ZNF589: variants seen among roughly 807,000 people sequenced by gnomAD.
ZNF589 encodes the protein KRAB-zinc finger protein SZF1-1.
Under a neutral mutation model 13.6 loss-of-function variants are expected in ZNF589, and 17 were observed. The ratio of observed to expected loss-of-function variants is 1.25; its 90% CI spans 0.86 to 1.88. The LOEUF is 1.88. Among genes scored for constraint, ZNF589 ranks in the 40% most tolerant of loss-of-function variants. The probability of loss-of-function intolerance (pLI) is 0.00; values close to 1 mark genes in which losing one functional copy is unlikely to be tolerated. For missense variants in ZNF589, 407 were observed against 434.0 expected, an observed-to-expected ratio of 0.94 and a Z score of 0.55; for synonymous variants, 148 against 161.6, an observed-to-expected ratio of 0.92 and a Z score of 0.64.
intron 1 of ZNF589, 105 bp from the exon 2 acceptor site, chr3:48,247,520 T>C: frequency 7.8e-7 from 1 of 1,279,068 alleles, no homozygotes; most frequent in Admixed American, 1.9e-5. Flanking sequence ...CTGGGTCAGC[T>C]GAGAAGGCTC....
intron 1 of ZNF589, among the ~76,000 whole-genome samples, chr3:48,247,123 A>G (rs2106832275): frequency 6.6e-6 from 1 of 151,714 alleles, no homozygotes; most frequent in East Asian, 1.9e-4. Context: ...GGCGTGCACT[A>G]CCATGCCTGG....
At chr3:48,267,398 G>T (rs1445307340) in intron 3 of ZNF589, among the ~76,000 whole-genome samples, 4 of 151,104 alleles carry the variant, frequency 2.6e-5, no homozygotes, top group Non-Finnish European at 5.9e-5. Flanking sequence ...ATAAATAGAA[G>T]AATTTTTTTT....
intron 3 of ZNF589, among the ~76,000 whole-genome samples, chr3:48,264,281 T>C (rs2033997356): frequency 6.6e-6 from 1 of 152,130 alleles, no homozygotes; most frequent in Non-Finnish European, 1.5e-5. Context: ...ACACTTGTAA[T>C]CCCAGCACAC....
At position 48,269,281 on chromosome 3, in the gene ZNF589, C is replaced by T. The variant is rs141778974; in HGVS notation, c.*495C>T. 8.7e-5 allele frequency: 135 copies of T among 1,550,926 alleles called. No homozygotes were observed. The highest frequency in any genetic ancestry group is 1.1e-4 in the Non-Finnish European group (125 of 1,135,466). On this transcript the variant is annotated 3_prime_UTR_variant, in exon 4 of 4. Transcript: ENST00000354698. Reference sequence around the variant, plus strand: ...ACACAGGAGAAAAGCCTTATGTCTGCGGAGAGTGTGGGCGAGGCTTTATAG... The same window carrying T: ...ACACAGGAGAAAAGCCTTATGTCTGTGGAGAGTGTGGGCGAGGCTTTATAG...
chr3:48,264,824 C>CA (rs1008199644), intron 3 of ZNF589, among the ~76,000 whole-genome samples: 11 of 151,906 alleles, frequency 7.2e-5, no homozygotes, highest in African/African-American at 2.2e-4. Flanking sequence ...GACTCTGTCT[C>CA]AAAAAAATAA....
chr3:48,248,849 A>G (rs1465229250), intron 2 of ZNF589, among the ~76,000 whole-genome samples: 3 of 152,236 alleles, frequency 2.0e-5, no homozygotes, highest in Admixed American at 1.3e-4. Flanking sequence ...AATCAAATTC[A>G]TGGTATGCAA....
Position 48,270,125 on chromosome 3 carries a change from T to G in ZNF589, c.*1339T>G, listed in dbSNP as rs1234343292. The G allele has an allele frequency of 2.2e-6, 1 of 457,064 alleles. No homozygotes were observed. The highest frequency in any genetic ancestry group is 1.5e-5 in the South Asian group (1 of 64,568). 28.3% of individuals were successfully genotyped at this position (457,064 alleles called of 1,614,324 possible). A position where few individuals can be genotyped will look rare whatever the true frequency, so the allele number is the denominator to read the frequency against. On this transcript the variant is annotated 3_prime_UTR_variant, in exon 4 of 4. Transcript: ENST00000354698. ...TCCATTAGCTTCCATGACACTCTCC[T>G]GCTTTATTTTTTTCTACATCTCTAG...
chr3:48,247,044 C>T (rs531801086), intron 1 of ZNF589, among the ~76,000 whole-genome samples: 1 of 152,110 alleles, frequency 6.6e-6, no homozygotes, highest in South Asian at 2.1e-4. Flanking sequence ...GATCTCTGCT[C>T]ACTGCAACCT....
rs1297395092 is a variant in ZNF589, at chr3:48,269,155, T to A, written c.*369T>A. The A allele has an allele frequency of 1.2e-6, 1 of 806,784 alleles. No individual in the cohort carries two copies. The highest frequency in any genetic ancestry group is 1.9e-6 in the Non-Finnish European group (1 of 518,414). The allele number at this position is 806,784 out of a possible 1,614,324, so 50.0% of individuals were successfully genotyped here. A position where few individuals can be genotyped will look rare whatever the true frequency, so the allele number is the denominator to read the frequency against. On this transcript the variant is annotated 3_prime_UTR_variant, in exon 4 of 4. Transcript: ENST00000354698. ...ACTTTAGCCTCAAGTCCGCTCTTAG[T>A]GTACATCAGAGGATACACTCTGGGG...
chr3:48,251,691 CTG>C (rs780863459), intron 2 of ZNF589, among the ~76,000 whole-genome samples: 1 of 152,020 alleles, frequency 6.6e-6, no homozygotes, highest in Non-Finnish European at 1.5e-5. Flanking sequence ...TCTTCCAACA[CTG>C]TTTTTTTGAA....
Position 48,260,946 on chromosome 3 carries a change from A to G in ZNF589, c.223+7A>G, listed in dbSNP as rs2033964844. On this transcript the variant is annotated splice_region_variant and intron_variant, in intron 3 of 3. Transcript: ENST00000354698. Reference sequence around the variant, plus strand: ...AGGAATCTGGTCTCATTGGGTAAGGACATGTTCTCTTCCTTCATTTTTCCA... The same window carrying G: ...AGGAATCTGGTCTCATTGGGTAAGGGCATGTTCTCTTCCTTCATTTTTCCA... The G allele has an allele frequency of 6.2e-7, 1 of 1,613,938 alleles. No individual in the cohort carries two copies. Among genetic ancestry groups the G allele is most frequent in the Admixed American group, 1.7e-5 (1 of 59,976 alleles).
At position 48,268,004 on chromosome 3, in the gene ZNF589, C is replaced by T; in HGVS notation, c.313C>T (p.His105Tyr). Reference sequence around the variant, plus strand: ...CCTCAGCCAAGATGAGCTACACAATCATCCTATTCCAGGTTTCCATGCAGG... The same window carrying T: ...CCTCAGCCAAGATGAGCTACACAATTATCCTATTCCAGGTTTCCATGCAGG... ...QFLSQDELHN[H>Y]PIPGFHAGNQ... Residue 105 changes from histidine (H) to tyrosine (Y), a missense_variant, in exon 4 of 4, where the codon CAT (histidine) becomes TAT (tyrosine). Coordinates refer to ENST00000354698, the MANE Select transcript of ZNF589 (RefSeq NM_016089.3). 6.2e-7 allele frequency: 1 copy of T among 1,614,182 alleles called. No individual in the cohort carries two copies. The highest frequency in any genetic ancestry group is 8.5e-7 in the Non-Finnish European group (1 of 1,180,056).
chr3:48,247,791 C>G, intron 2 of ZNF589, 114 bp downstream of exon 2: 1 of 1,118,674 alleles, frequency 8.9e-7, no homozygotes, highest in Non-Finnish European at 1.3e-6. Context: ...TGGTTTATGC[C>G]TTGTGTTAGC....
At chr3:48,259,077 G>A (rs2033939473) in intron 2 of ZNF589, among the ~76,000 whole-genome samples, 1 of 152,216 alleles carries the variant, frequency 6.6e-6, no homozygotes. Flanking sequence ...AGCAGGTCAT[G>A]GAAAGCATGT....
At position 48,241,205 on chromosome 3, in the gene ZNF589, A is replaced by G. The variant is rs9847953; in HGVS notation, c.34A>G (p.Thr12Ala). ...CCCGCGGGAGCAGCTACTGGGCTGG[A>G]CTGCGGAAGGTGAGTCGGGGCCGCG... is the stretch of plus-strand genomic sequence containing the variant. Reference protein sequence around the residue: ...WAPREQLLGWTAEALPAKDSA... With the variant: ...WAPREQLLGWAAEALPAKDSA... The change falls in exon 1 of 4, where the codon ACT becomes GCT. Residue 12 changes from threonine (T) to alanine (A), a missense_variant. Physicochemically the swap from Thr to Ala is moderately conservative, Grantham distance 58. Transcript: ENST00000354698. The G allele has an allele frequency of 0.3, 479,604 of 1,612,396 alleles. 74,108 individuals carry two copies. The highest frequency in any genetic ancestry group is 0.31 in the Non-Finnish European group (369,039 of 1,179,424).
rs1398094475 is a variant in ZNF589, at chr3:48,268,367, C to G, written c.676C>G (p.Gln226Glu). The change falls in exon 4 of 4, where the codon CAG becomes GAG. Residue 226 changes from glutamine (Q) to glutamate (E), a missense_variant. Physicochemically the swap from Gln to Glu is conservative, Grantham distance 29. Coordinates refer to ENST00000354698, the MANE Select transcript of ZNF589 (RefSeq NM_016089.3). ...TFGECALAFN[Q>E]KSNLFRQKAV... ...TGGGGAGTGTGCACTAGCTTTTAAC[C>G]AGAAGTCAAACCTGTTCAGACAGAA... 6.2e-7 allele frequency: 1 copy of G among 1,614,034 alleles called. No homozygotes were observed. Among genetic ancestry groups the G allele is most frequent in the African/African-American group, 1.3e-5 (1 of 74,922 alleles).
chr3:48,247,649 G>C lies in ZNF589; in HGVS notation c.68G>C (p.Trp23Ser). ...GCTCTGCCTGCCAAGGATTCTGCCT[G>C]GCCCTGGGAAGAGAAGCCTAGATAT... ...AEALPAKDSA[W>S]PWEEKPRYLG... The change falls in exon 2 of 4, where the codon TGG becomes TCG. Residue 23 changes from tryptophan to serine, a missense_variant. Trp to Ser is a radical substitution (Grantham distance 177, BLOSUM62 -3). Transcript: ENST00000354698. The C allele has an allele frequency of 1.9e-6, 3 of 1,613,010 alleles. No individual in the cohort carries two copies. Among genetic ancestry groups the C allele is most frequent in the Non-Finnish European group, 2.5e-6 (3 of 1,179,456 alleles).
At chr3:48,246,195 T>C (rs908344711) in intron 1 of ZNF589, among the ~76,000 whole-genome samples, 7 of 151,936 alleles carry the variant, frequency 4.6e-5, no homozygotes, top group Non-Finnish European at 1.0e-4. Context: ...ATGCCTGTAA[T>C]CCCAGGGAAG....
In ZNF589 at chr3:48,269,471, G is replaced by C. The variant is rs1472836934; in HGVS notation, c.*685G>C. ...GTGTGGGGAATGTGGGCGGGGATTT[G>C]GCCGGAAGATACTCCTCAACAGACA... On this transcript the variant is annotated 3_prime_UTR_variant, in exon 4 of 4. Coordinates refer to ENST00000354698, the MANE Select transcript of ZNF589 (RefSeq NM_016089.3). 4.7e-4 allele frequency: 156 copies of C among 332,782 alleles called. No homozygotes were observed. The highest frequency in any genetic ancestry group is 2.9e-5 in the Non-Finnish European group (5 of 171,466). 20.6% of individuals were successfully genotyped at this position (332,782 alleles called of 1,614,324 possible).
Sources: allele counts gnomAD v4.1 joint callset (sites outside exome capture counted in the v4.1 genomes callset), GRCh38; gene constraint gnomAD v4.1.1; transcripts MANE v1.5; gene names NCBI Gene and HGNC (gene_info 2026-07-23, HGNC 2026-07-21).